The following EIF4E2 variants were observed in gnomAD, a reference collection of about 807,000 sequenced individuals.
EIF4E2 encodes eukaryotic translation initiation factor 4E family member 2.
Under a neutral mutation model 34.2 loss-of-function variants are expected in EIF4E2, and 13 were observed. The ratio of observed to expected loss-of-function variants is 0.38; its 90% CI spans 0.25 to 0.60. EIF4E2 has a LOEUF of 0.60. EIF4E2 is among the 20% of genes least tolerant of loss of function. The pLI, the probability that EIF4E2 is intolerant of heterozygous loss-of-function variation, is 0.62. For missense variants in EIF4E2, 222 were observed against 315.1 expected (o/e 0.70, Z 2.24); for synonymous variants, 100 against 106.6 (o/e 0.94, Z 0.38).
At chr2:232,582,772 G>C (rs914366978) in exon 7 of EIF4E2, 1 of 152,180 alleles carries the variant, frequency 6.6e-6, no homozygotes, top group Admixed American at 6.5e-5. Flanking sequence ...GAGTGGTCAG[G>C]CCTCCTGGCT....
chr2:232,550,845 TC>T, intron 1 of EIF4E2, 101 bp downstream of exon 1: 2 of 1,190,842 alleles, frequency 1.7e-6, no homozygotes, highest in Non-Finnish European at 2.3e-6. Context: ...GGCACCGGCT[TC>T]CCTGCTGGGA....
chr2:232,568,147 T>TATC (rs951007663), intron 6 of EIF4E2: 8 of 944,030 alleles, frequency 8.5e-6, no homozygotes, highest in Middle Eastern at 5.5e-4. Flanking sequence ...GTAGTATTGC[T>TATC]ATCATCATCA....
At chr2:232,555,174 C>T (rs1280398691) in intron 1 of EIF4E2, among the ~76,000 whole-genome samples, 3 of 152,116 alleles carry the variant, frequency 2.0e-5, no homozygotes, top group African/African-American at 4.8e-5. Context: ...TACAAAGTAC[C>T]CTGCAACATG....
intron 4 of EIF4E2, among the ~76,000 whole-genome samples, chr2:232,565,703 G>A (rs1692898199): frequency 6.6e-6 from 1 of 152,108 alleles, no homozygotes; most frequent in Non-Finnish European, 1.5e-5. Context: ...CCTTAACATA[G>A]TGTGCATATC....
intron 3 of EIF4E2, among the ~76,000 whole-genome samples, chr2:232,562,275 T>A (rs565228100): frequency 2.0e-5 from 3 of 152,002 alleles, no homozygotes; most frequent in Non-Finnish European, 2.9e-5. Context: ...TCTCTTATGG[T>A]TTGCATATAA....
At position 232,559,220 on chromosome 2, in the gene EIF4E2, A is replaced by T. The variant is rs113477119; in HGVS notation, c.270+1202A>T. ...ACATGTACCCTAAAACTTAAAGTAT[A>T]AAAAAAAAAAAAAGAATGATTCAGT... On this transcript the variant is annotated intron_variant, in intron 3 of 6. Transcript: ENST00000258416. Among the ~76,000 whole-genome samples, 168 of 107,246 alleles carry T rather than the reference A, an allele frequency of 1.6e-3. 1 individual carries two copies. Among genetic ancestry groups the T allele is most frequent in the East Asian group, 5.6e-3 (22 of 3,894 alleles). 70.4% of individuals were successfully genotyped at this position (107,246 alleles called of 152,430 possible).
chr2:232,568,938 C>A lies in EIF4E2; in HGVS notation c.666-7C>A. ...CCCAATGAGCCAACCTTTTGCACTTCCACTAGAATGCCAGGCAGGCTGGGC... is the reference window on the plus strand; with the variant it reads ...CCCAATGAGCCAACCTTTTGCACTTACACTAGAATGCCAGGCAGGCTGGGC... On this transcript the variant is annotated splice_polypyrimidine_tract_variant and splice_region_variant and intron_variant, in intron 6 of 6. Coordinates refer to ENST00000258416, the MANE Select transcript of EIF4E2 (RefSeq NM_004846.4). 1 of 1,614,222 alleles carries A rather than the reference C, an allele frequency of 6.2e-7. No homozygotes were observed. The highest frequency in any genetic ancestry group is 1.1e-5 in the South Asian group (1 of 91,082).
intron 1 of EIF4E2, among the ~76,000 whole-genome samples, chr2:232,555,075 G>T (rs1692475061): frequency 6.6e-6 from 1 of 152,180 alleles, no homozygotes; most frequent in Non-Finnish European, 1.5e-5. Flanking sequence ...ACCCCAACAT[G>T]TGACTAGCTC....
intron 2 of EIF4E2, 81 bp from the exon 3 acceptor site, chr2:232,557,803 G>A: frequency 6.6e-7 from 1 of 1,506,088 alleles, no homozygotes; most frequent in East Asian, 2.3e-5. Flanking sequence ...GAGGTGGTAA[G>A]GATTGACACT....
At chr2:232,556,574 CT>C (rs3830645) in intron 2 of EIF4E2, 44 bp downstream of exon 2, 964,048 of 1,315,330 alleles carry the variant, frequency 0.73, 358,392 homozygotes, top group African/African-American at 0.89. Context: ...GAACTTGAGA[CT>C]TTTATTATCT....
At position 232,574,431 on chromosome 2, in the gene EIF4E2, CCAA is replaced by C; in HGVS notation, c.666-6470_666-6468del. The C allele has an allele frequency of 4.5e-6, 6 of 1,341,058 alleles. No individual in the cohort carries two copies. In the Admixed American group the frequency reaches 1.0e-4, roughly 23 times the overall value. 83.1% of individuals were successfully genotyped at this position (1,341,058 alleles called of 1,614,324 possible). On this transcript the variant is annotated intron_variant, in intron 6 of 6. Coordinates refer to the EIF4E2 transcript ENST00000409098. ...CCATTTACCCCCAAACTTGCCTCTACCAACATTGAGCCTCAGAGAAAAATATAA... is the reference window on the plus strand; with the variant it reads ...CCATTTACCCCCAAACTTGCCTCTACCATTGAGCCTCAGAGAAAAATATAA...
intron 6 of EIF4E2, chr2:232,567,885 G>C: frequency 1.0e-6 from 1 of 985,496 alleles, no homozygotes; most frequent in Non-Finnish European, 1.2e-6. Flanking sequence ...GTGAAAAAGT[G>C]TGGGGAGTGG....
At position 232,558,896 on chromosome 2, in the gene EIF4E2, C is replaced by CAAA. The variant is rs1692617913; in HGVS notation, c.270+878_270+879insAAA. The CAAA allele has an allele frequency of 3.3e-5, 5 of 152,148 alleles. No individual in the cohort carries two copies. In the South Asian group the frequency reaches 1.0e-3, roughly 31 times the overall value. 9.4% of individuals were successfully genotyped at this position (152,148 alleles called of 1,614,324 possible). On this transcript the variant is annotated intron_variant, in intron 3 of 6. Transcript: ENST00000258416. The stretch of plus-strand genomic sequence containing the variant: ...AGAGCCCAGACTGTCTCATCTCTCT[C>CAAA]CCAGGTGACTTGGTTTGTGTACCCC...
intron 3 of EIF4E2, among the ~76,000 whole-genome samples, chr2:232,559,171 A>G (rs1000985941): frequency 2.0e-5 from 3 of 151,584 alleles, no homozygotes; most frequent in African/African-American, 7.3e-5. Context: ...ATGTATACAT[A>G]TGTAACTAAC....
chr2:232,563,190 C>G (rs1422691092), intron 3 of EIF4E2, among the ~76,000 whole-genome samples: 1 of 152,168 alleles, frequency 6.6e-6, no homozygotes, highest in Non-Finnish European at 1.5e-5. Context: ...TTTCTCTTTC[C>G]TCCTAAAGTG....
chr2:232,571,856 G>A (rs140308835), downstream of EIF4E2, among the ~76,000 whole-genome samples: 443 of 152,318 alleles, frequency 2.9e-3, 2 homozygotes, highest in African/African-American at 9.8e-3. Flanking sequence ...GAACTGGTAG[G>A]CAAAGCGAAG....
At chr2:232,559,128 C>A (rs931422133) in intron 3 of EIF4E2, among the ~76,000 whole-genome samples, 4 of 150,830 alleles carry the variant, frequency 2.7e-5, no homozygotes, top group Admixed American at 6.7e-5. Context: ...TGCTAGATGA[C>A]GAGTTAGTGG....
In EIF4E2 at chr2:232,568,127, G is replaced by A. The variant is rs532884204; in HGVS notation, c.666-818G>A. ...TCTTCAGATGGAGAATGCTTTTACGGGGCCAAGTAGTAGTATTGCTATCAT... is the reference window on the plus strand; with the variant it reads ...TCTTCAGATGGAGAATGCTTTTACGAGGCCAAGTAGTAGTATTGCTATCAT... On this transcript the variant is annotated intron_variant, in intron 6 of 6. Coordinates refer to ENST00000258416, the MANE Select transcript of EIF4E2 (RefSeq NM_004846.4). 40 of 985,320 alleles carry A rather than the reference G, an allele frequency of 4.1e-5. 1 individual carries two copies. The African/African-American group carries it at 6.3e-4, about 15-fold the overall frequency. 61.0% of individuals were successfully genotyped at this position (985,320 alleles called of 1,614,324 possible).
At chr2:232,563,319 C>T (rs1692788015) in intron 3 of EIF4E2, among the ~76,000 whole-genome samples, 1 of 152,030 alleles carries the variant, frequency 6.6e-6, no homozygotes, top group South Asian at 2.1e-4. Flanking sequence ...ATGGGAGGAT[C>T]CCTTGACACC....
Sources: allele counts gnomAD v4.1 joint callset (sites outside exome capture counted in the v4.1 genomes callset), GRCh38; gene constraint gnomAD v4.1.1; transcripts MANE v1.5; gene names NCBI Gene and HGNC (gene_info 2026-07-23, HGNC 2026-07-21).